GSG1: variants seen among roughly 807,000 people sequenced by gnomAD.
GSG1 encodes the protein germ cell-specific gene 1 protein.
GSG1 carries 28 observed loss-of-function variants against 30.8 expected under a neutral mutation model. That is an observed-to-expected ratio of 0.91 (90% CI 0.67 to 1.25). GSG1 has a LOEUF of 1.25. GSG1 is among the 50% of genes most tolerant of loss of function. The pLI is 0.00. For synonymous variants in GSG1, 162 were observed against 178.0 expected, an observed-to-expected ratio of 0.91 and a Z score of 0.71; for missense variants, 435 against 444.7, an observed-to-expected ratio of 0.98 and a Z score of 0.20.
At chr12:13,092,219 G>A (rs1003377296) in intron 1 of GSG1, among the ~76,000 whole-genome samples, 3 of 151,802 alleles carry the variant, frequency 2.0e-5, no homozygotes, top group African/African-American at 7.2e-5. Context: ...ATAGCCTCCA[G>A]CCGGCAAATC....
chr12:13,103,521 G>T lies in GSG1; in HGVS notation c.-9C>A. The T allele has an allele frequency of 6.2e-7, 1 of 1,613,916 alleles. No individual in the cohort carries two copies. On this transcript the variant is annotated 5_prime_UTR_variant, in exon 1 of 7. Transcript: ENST00000651961. ...TGAGAGGGATCGCTCATTCACTCTT[G>T]CAGCGGGAAGGCAGAGAAGTTTCAG...
At chr12:13,095,490 A>G in intron 1 of GSG1, 2 of 1,061,748 alleles carry the variant, frequency 1.9e-6, no homozygotes, top group South Asian at 1.2e-5. Context: ...GAATTAGCAT[A>G]GGCTAGGAAG....
At chr12:13,087,748 A>G (rs999461387) in intron 5 of GSG1, among the ~76,000 whole-genome samples, 159 bp downstream of exon 5, 7 of 152,228 alleles carry the variant, frequency 4.6e-5, no homozygotes, top group African/African-American at 1.7e-4. Flanking sequence ...CCAATATACA[A>G]TTTTGTATGT....
intron 5 of GSG1, among the ~76,000 whole-genome samples, chr12:13,087,690 C>T (rs2120648682): frequency 6.6e-6 from 1 of 152,326 alleles, no homozygotes; most frequent in African/African-American, 2.4e-5. Context: ...AGAAAGCTTG[C>T]AAATAAAGGA....
chr12:13,096,560 T>C (rs1866683003), intron 1 of GSG1, among the ~76,000 whole-genome samples: 1 of 151,992 alleles, frequency 6.6e-6, no homozygotes, highest in African/African-American at 2.4e-5. Flanking sequence ...GCTGGGGATG[T>C]GGCAAAGATG....
chr12:13,085,868 G>A (rs1865471357), intron 6 of GSG1, among the ~76,000 whole-genome samples: 1 of 152,196 alleles, frequency 6.6e-6, no homozygotes, highest in Non-Finnish European at 1.5e-5. Context: ...TATGGAAACA[G>A]TGTGGTTTTG....
intron 5 of GSG1, 23 bp from the exon 6 acceptor site, chr12:13,087,286 G>A (rs1050931107): frequency 1.9e-6 from 3 of 1,567,544 alleles, no homozygotes; most frequent in Non-Finnish European, 2.6e-6. Context: ...CAGGAAGGCA[G>A]AGCCCTTAGA....
At chr12:13,097,865 T>C (rs990790652) in intron 1 of GSG1, among the ~76,000 whole-genome samples, 1 of 152,198 alleles carries the variant, frequency 6.6e-6, no homozygotes, top group Non-Finnish European at 1.5e-5. Context: ...GTCATGTTTT[T>C]CCCATTCTAT....
intron 2 of GSG1, among the ~76,000 whole-genome samples, chr12:13,089,516 C>A (rs6488585): frequency 0.048 from 7,267 of 152,198 alleles, 578 homozygotes; most frequent in African/African-American, 0.16. Context: ...CGCACATCGA[C>A]CAGCACCTGC....
At chr12:13,088,393 T>C (rs955125144) in intron 4 of GSG1, among the ~76,000 whole-genome samples, 5 of 152,178 alleles carry the variant, frequency 3.3e-5, no homozygotes, top group African/African-American at 1.2e-4. Context: ...CCTCATTTAA[T>C]TTTGGGGTGG....
In GSG1 at chr12:13,087,225, C is replaced by T; in HGVS notation, c.673G>A (p.Val225Ile). 1 of 1,614,140 alleles carries T rather than the reference C, an allele frequency of 6.2e-7. No homozygotes were observed. The highest frequency in any genetic ancestry group is 8.5e-7 in the Non-Finnish European group (1 of 1,179,960). ...GMVAHMMYSQVFQATVNLGPE... is the reference protein window; with the variant it reads ...GMVAHMMYSQIFQATVNLGPE... ...CCCAAGTTGACAGTCGCTTGGAAGACTTGTGAATACATCATGTGGGCCACC... is the reference window on the plus strand; with the variant it reads ...CCCAAGTTGACAGTCGCTTGGAAGATTTGTGAATACATCATGTGGGCCACC... Residue 225 changes from valine (V) to isoleucine (I), a missense_variant, in exon 6 of 7, where the codon GTC becomes ATC. By Grantham distance (29) the Val-to-Ile change is conservative. Coordinates refer to ENST00000651961, the MANE Select transcript of GSG1 (RefSeq NM_001080555.4).
intron 1 of GSG1, among the ~76,000 whole-genome samples, chr12:13,102,817 C>T (rs913973652): frequency 6.6e-6 from 1 of 152,196 alleles, no homozygotes; most frequent in Non-Finnish European, 1.5e-5. Context: ...AGTTGGGAGG[C>T]TGGTCGTTTC....
rs536237283 is a variant in GSG1 at position 13,088,685 on chromosome 12, C to T, written c.481+177G>A. 251 of 1,526,562 alleles carry T rather than the reference C, an allele frequency of 1.6e-4. 1 individual carries two copies. In the South Asian group the frequency reaches 2.0e-3, roughly 12 times the overall value. 94.6% of individuals were successfully genotyped at this position (1,526,562 alleles called of 1,614,324 possible). A position where few individuals can be genotyped will look rare whatever the true frequency, so the allele number is the denominator to read the frequency against. ...GGGAGATCACAGTGCAGTTTAGATCCGGAGAGGCCCAAGTCAATGGTAACT... is the reference window on the plus strand; with the variant it reads ...GGGAGATCACAGTGCAGTTTAGATCTGGAGAGGCCCAAGTCAATGGTAACT... On this transcript the variant is annotated intron_variant, in intron 4 of 6. Transcript: ENST00000651961.
chr12:13,098,212 C>T (rs548174563), intron 1 of GSG1, among the ~76,000 whole-genome samples: 1 of 151,304 alleles, frequency 6.6e-6, no homozygotes, highest in Non-Finnish European at 1.5e-5. Context: ...CGCTGGGTGG[C>T]GCTATCTCCT....
At chr12:13,092,071 A>G (rs559825770) in intron 1 of GSG1, among the ~76,000 whole-genome samples, 30 of 152,352 alleles carry the variant, frequency 2.0e-4, no homozygotes, top group African/African-American at 7.2e-4. Context: ...CATGATATGC[A>G]GCAATACACA....
chr12:13,103,023 T>C (rs1863329454), intron 1 of GSG1, among the ~76,000 whole-genome samples: 1 of 152,262 alleles, frequency 6.6e-6, no homozygotes, highest in Non-Finnish European at 1.5e-5. Context: ...TTCTCTGGCA[T>C]AGAGCTTGAT....
At chr12:13,086,477 T>G (rs1435070404) in intron 6 of GSG1, among the ~76,000 whole-genome samples, 1 of 152,240 alleles carries the variant, frequency 6.6e-6, no homozygotes, top group Non-Finnish European at 1.5e-5. Context: ...CAGTACAAGT[T>G]GGCAACTTGC....
intron 4 of GSG1, among the ~76,000 whole-genome samples, chr12:13,088,403 G>A (rs1865752097): frequency 6.6e-6 from 1 of 152,114 alleles, no homozygotes; most frequent in Non-Finnish European, 1.5e-5. Context: ...TTTTGGGGTG[G>A]TTCCCTCCCT....
intron 2 of GSG1, among the ~76,000 whole-genome samples, chr12:13,089,980 C>T (rs149111927): frequency 2.0e-3 from 302 of 152,192 alleles, no homozygotes; most frequent in African/African-American, 6.7e-3. Flanking sequence ...ACCTGAGAGG[C>T]GGAGGTTGTG....
Sources: allele counts gnomAD v4.1 joint callset (sites outside exome capture counted in the v4.1 genomes callset), GRCh38; gene constraint gnomAD v4.1.1; transcripts MANE v1.5; gene names NCBI Gene and HGNC (gene_info 2026-07-23, HGNC 2026-07-21).